ACTR2: variants seen among roughly 807,000 people sequenced by gnomAD.
ACTR2 encodes actin-related protein 2.
Under a neutral mutation model 50.2 loss-of-function variants are expected in ACTR2, and 5 were observed. The ratio of observed to expected loss-of-function variants is 0.10; its 90% CI spans 0.05 to 0.21. The LOEUF (loss-of-function observed/expected upper bound fraction) is 0.21. ACTR2 is among the 10% of genes least tolerant of loss of function. The pLI, the probability that ACTR2 is intolerant of heterozygous loss-of-function variation, is 1.00. For missense variants in ACTR2, 180 were observed against 480.6 expected (o/e 0.37, Z 5.85); for synonymous variants, 140 against 162.9 (o/e 0.86, Z 1.07).
At chr2:65,243,787 G>A (rs188238176) in intron 2 of ACTR2, among the ~76,000 whole-genome samples, 95 of 152,260 alleles carry the variant, frequency 6.2e-4, no homozygotes, top group Non-Finnish European at 1.0e-4. Context: ...CACTTTTCAT[G>A]AAGTATAAAT....
intron 8 of ACTR2, among the ~76,000 whole-genome samples, chr2:65,266,478 A>AG (rs1487854954): frequency 6.6e-6 from 1 of 152,118 alleles, no homozygotes; most frequent in Admixed American, 6.5e-5. Flanking sequence ...TGAGGTCAGA[A>AG]GGGTAGCAGG....
chr2:65,256,678 C>T (rs1672154513), intron 6 of ACTR2, among the ~76,000 whole-genome samples: 1 of 152,096 alleles, frequency 6.6e-6, no homozygotes, highest in African/African-American at 2.4e-5. Context: ...TGGAGAACAG[C>T]CTGGCCAACA....
intron 1 of ACTR2, among the ~76,000 whole-genome samples, chr2:65,237,429 G>T (rs762145971): frequency 1.2e-4 from 18 of 151,980 alleles, no homozygotes; most frequent in Non-Finnish European, 2.5e-4. Context: ...TTTTTCCGGG[G>T]GGGAATCTTG....
At chr2:65,256,563 T>C (rs895953211) in intron 6 of ACTR2, among the ~76,000 whole-genome samples, 1 of 152,216 alleles carries the variant, frequency 6.6e-6, no homozygotes, top group Admixed American at 6.5e-5. Flanking sequence ...TAGTCATTTT[T>C]AAAGTAATTA....
At chr2:65,241,073 C>T (rs910336927) in intron 2 of ACTR2, among the ~76,000 whole-genome samples, 21 of 151,666 alleles carry the variant, frequency 1.4e-4, no homozygotes, top group Admixed American at 8.5e-4. Context: ...TAAAATGGGA[C>T]ACTCAGTGTA....
chr2:65,256,463 C>T (rs1672150409), intron 6 of ACTR2, among the ~76,000 whole-genome samples: 1 of 151,966 alleles, frequency 6.6e-6, no homozygotes. Context: ...CTAGTTATTA[C>T]TAAAATGAAA....
intron 2 of ACTR2, among the ~76,000 whole-genome samples, chr2:65,240,778 C>A (rs1433247394): frequency 4.6e-5 from 7 of 152,122 alleles, no homozygotes; most frequent in Admixed American, 3.3e-4. Flanking sequence ...TTTGTGAACA[C>A]GCTAGCATTG....
At chr2:65,267,645 C>T (rs1672398495) in intron 8 of ACTR2, among the ~76,000 whole-genome samples, 1 of 152,052 alleles carries the variant, frequency 6.6e-6, no homozygotes, top group African/African-American at 2.4e-5. Flanking sequence ...AAACTTTTCC[C>T]AATTGCCTTT....
chr2:65,228,248 C>T (rs1384835031), intron 1 of ACTR2: 3 of 351,690 alleles, frequency 8.5e-6, no homozygotes, highest in Admixed American at 9.6e-5. Context: ...CTGCTCCGCG[C>T]TAATGCGGGG....
chr2:65,264,919 G>T, intron 7 of ACTR2, 124 bp from the exon 8 acceptor site: 1 of 1,083,034 alleles, frequency 9.2e-7, no homozygotes, highest in Non-Finnish European at 1.4e-6. Context: ...TCAGCCCTGT[G>T]ATTTACATGT....
intron 1 of ACTR2, among the ~76,000 whole-genome samples, chr2:65,237,158 G>A (rs2103985977): frequency 6.6e-6 from 1 of 152,164 alleles, no homozygotes; most frequent in Admixed American, 6.5e-5. Flanking sequence ...TGTTAAAGAG[G>A]GTGCAGACTA....
rs762952640 is a variant in ACTR2 at position 65,261,409 on chromosome 2, G to A, written c.881+17G>A. 2.5e-6 allele frequency: 4 copies of A among 1,593,644 alleles called. No individual in the cohort carries two copies. Among genetic ancestry groups the A allele is most frequent in the Non-Finnish European group, 3.4e-6 (4 of 1,170,310 alleles). On this transcript the variant is annotated intron_variant, in intron 7 of 8. Coordinates refer to ENST00000260641, the MANE Select transcript of ACTR2 (RefSeq NM_005722.4). Reference sequence around the variant, plus strand: ...TGATACCAGGTACATTAGAAGTGGTGATTTCAAAGTTATTTATCAGAAAAA... The same window carrying A: ...TGATACCAGGTACATTAGAAGTGGTAATTTCAAAGTTATTTATCAGAAAAA...
intron 7 of ACTR2, among the ~76,000 whole-genome samples, chr2:65,264,131 G>A (rs1425388604): frequency 2.0e-5 from 3 of 152,232 alleles, no homozygotes; most frequent in Non-Finnish European, 2.9e-5. Flanking sequence ...GTCAGATTCA[G>A]TACCTTCTCC....
At chr2:65,259,912 A>G (rs79647927) in intron 6 of ACTR2, among the ~76,000 whole-genome samples, 1,685 of 152,324 alleles carry the variant, frequency 0.011, 40 homozygotes, top group African/African-American at 0.038. Flanking sequence ...ATTAAATATG[A>G]ACATGATGTG....
intron 6 of ACTR2, 141 bp from the exon 7 acceptor site, chr2:65,261,106 C>T (rs1672260991): frequency 1.3e-6 from 1 of 798,022 alleles, no homozygotes; most frequent in Non-Finnish European, 2.0e-6. Flanking sequence ...CCTTTTTTTC[C>T]CCAAATATAT....
At chr2:65,246,775 C>A in intron 3 of ACTR2, 36 bp downstream of exon 3, 2 of 1,392,662 alleles carry the variant, frequency 1.4e-6, no homozygotes, top group Non-Finnish European at 2.0e-6. Context: ...ATGTGTATTT[C>A]TGTGATATTA....
At chr2:65,235,239 A>G (rs554513406) in intron 1 of ACTR2, among the ~76,000 whole-genome samples, 1 of 152,132 alleles carries the variant, frequency 6.6e-6, no homozygotes, top group South Asian at 2.1e-4. Context: ...AAAAAATACT[A>G]GATGTTATTC....
rs914849139 is a variant in ACTR2 at position 65,271,222 on chromosome 2, G to A, written c.*2488G>A. The A allele has an allele frequency of 2.0e-5, 3 of 152,156 alleles. No homozygotes were observed. Among genetic ancestry groups the A allele is most frequent in the Non-Finnish European group, 4.4e-5 (3 of 68,002 alleles). 9.4% of individuals were successfully genotyped at this position (152,156 alleles called of 1,614,324 possible). A position where few individuals can be genotyped will look rare whatever the true frequency, so the allele number is the denominator to read the frequency against. ...TAACATGAAATACTTCATTTTGATTGAGAAAATAAAATCAGATTTTTTCAA... is the reference window on the plus strand; with the variant it reads ...TAACATGAAATACTTCATTTTGATTAAGAAAATAAAATCAGATTTTTTCAA... On this transcript the variant is annotated 3_prime_UTR_variant, in exon 9 of 9. Transcript: ENST00000260641.
At position 65,265,109 on chromosome 2, in the gene ACTR2, G is replaced by T. The variant is rs753302963; in HGVS notation, c.948G>T (p.Arg316=). The part of the protein sequence containing the change: ...GSTMYPGLPS[R]LERELKQLYL... ...CTATGTATCCTGGCCTGCCATCACGGTTGGAACGAGAACTTAAACAGCTTT... is the reference window on the plus strand; with the variant it reads ...CTATGTATCCTGGCCTGCCATCACGTTTGGAACGAGAACTTAAACAGCTTT... The change falls in exon 8 of 9, where the codon CGG becomes CGT. Residue 316 remains arginine (R), a synonymous_variant. Transcript: ENST00000260641. 191 of 1,614,064 alleles carry T rather than the reference G, an allele frequency of 1.2e-4. 1 individual carries two copies. Among genetic ancestry groups the T allele is most frequent in the Non-Finnish European group, 1.6e-4 (184 of 1,180,038 alleles).
Sources: allele counts gnomAD v4.1 joint callset (sites outside exome capture counted in the v4.1 genomes callset), GRCh38; gene constraint gnomAD v4.1.1; transcripts MANE v1.5; gene names NCBI Gene and HGNC (gene_info 2026-07-23, HGNC 2026-07-21).